Variants in CHMP1A observed in about 807,000 individuals in gnomAD.
The protein encoded by CHMP1A is VPS46 homolog A.
A neutral mutation model predicts 27.0 loss-of-function variants in CHMP1A; 17 were observed. That is an observed-to-expected ratio of 0.63 (90% CI 0.43 to 0.95). The LOEUF is 0.95. Ranked by LOEUF, CHMP1A falls within the 40% of genes least tolerant of loss-of-function variation. The pLI is 0.00. For missense variants in CHMP1A, 275 were observed against 264.0 expected, an observed-to-expected ratio of 1.04 and a Z score of -0.29; for synonymous variants, 131 against 107.5, an observed-to-expected ratio of 1.22 and a Z score of -1.35.
Position 89,646,105 on chromosome 16 carries a change from G to A in CHMP1A, c.570-18C>T, listed in dbSNP as rs2059771429. The A allele has an allele frequency of 6.5e-7, 1 of 1,537,374 alleles. No homozygotes were observed. Among genetic ancestry groups the A allele is most frequent in the Non-Finnish European group, 8.8e-7 (1 of 1,142,610 alleles). On this transcript the variant is annotated intron_variant, in intron 6 of 6. Coordinates refer to ENST00000397901, the MANE Select transcript of CHMP1A (RefSeq NM_002768.5). ...CGGCCAACCTGGAAACCAACAACAG[G>A]ACTCGGGTCAGGGCAGGGGAAGGGG...
chr16:89,648,623 G>A (rs535844197), intron 4 of CHMP1A, among the ~76,000 whole-genome samples: 1 of 152,316 alleles, frequency 6.6e-6, no homozygotes, highest in South Asian at 2.1e-4. Context: ...ACAGTGAGTG[G>A]TTCACGCCTA....
chr16:89,650,623 C>G (rs776610342), intron 3 of CHMP1A, among the ~76,000 whole-genome samples: 1 of 151,946 alleles, frequency 6.6e-6, no homozygotes, highest in Non-Finnish European at 1.5e-5. Context: ...CTGGCCAACA[C>G]GGCGAAACCC....
chr16:89,654,509 A>G (rs1485377053), intron 1 of CHMP1A, among the ~76,000 whole-genome samples: 3 of 152,146 alleles, frequency 2.0e-5, no homozygotes, highest in Admixed American at 6.5e-5. Context: ...CTTAGACATC[A>G]AAGAGCTGAT....
Position 89,647,286 on chromosome 16 carries a change from G to C in CHMP1A, c.298C>G (p.Leu100Val). Residue 100 changes from leucine to valine, a missense_variant, in exon 5 of 7, where the codon CTG (leucine) becomes GTG (valine). Transcript: ENST00000397901. ...ACCTTCTGCAGGTCCATGGTGCTCAGGGCCTTGTCCAGGGCTTTGGTCACC... is the reference window on the plus strand; with the variant it reads ...ACCTTCTGCAGGTCCATGGTGCTCACGGCCTTGTCCAGGGCTTTGGTCACC... ...AQVTKALDKALSTMDLQKVSS... is the reference protein window; with the variant it reads ...AQVTKALDKAVSTMDLQKVSS... 6.2e-7 allele frequency: 1 copy of C among 1,612,250 alleles called. No individual in the cohort carries two copies. Among genetic ancestry groups the C allele is most frequent in the East Asian group, 2.2e-5 (1 of 44,832 alleles).
At chr16:89,654,071 C>A (rs1320239193) in intron 1 of CHMP1A, 148 bp from the exon 2 acceptor site, 2 of 842,942 alleles carry the variant, frequency 2.4e-6, no homozygotes, top group African/African-American at 1.7e-5. Context: ...GGGAGCCCCC[C>A]CCAACAGGGG....
At chr16:89,655,810 G>A (rs1031849195) in intron 1 of CHMP1A, among the ~76,000 whole-genome samples, 1 of 152,250 alleles carries the variant, frequency 6.6e-6, no homozygotes, top group South Asian at 2.1e-4. Context: ...ATTTTTAGAA[G>A]AGACGGGGTT....
chr16:89,654,574 C>T (rs1303901027), intron 1 of CHMP1A, among the ~76,000 whole-genome samples: 1 of 152,126 alleles, frequency 6.6e-6, no homozygotes, highest in Admixed American at 6.6e-5. Context: ...GAGGCTGAGG[C>T]GGGCAGATCA....
In CHMP1A at chr16:89,651,610, C is replaced by T; in HGVS notation, c.64G>A (p.Ala22Thr). The change falls in exon 3 of 7, where the codon GCG becomes ACG. Residue 22 changes from alanine (A) to threonine (T), a missense_variant. Coordinates refer to ENST00000397901, the MANE Select transcript of CHMP1A (RefSeq NM_002768.5). Reference protein sequence around the residue: ...AKQLEKLAKKAEKDSKAEQAK... With the variant: ...AKQLEKLAKKTEKDSKAEQAK... Reference sequence around the variant, plus strand: ...TGCTCCGCCTTGGAGTCCTTCTCCGCCTTCTTGGCCAGCTTCTCCAGCTGC... The same window carrying T: ...TGCTCCGCCTTGGAGTCCTTCTCCGTCTTCTTGGCCAGCTTCTCCAGCTGC... The T allele has an allele frequency of 6.2e-7, 1 of 1,613,746 alleles. No individual in the cohort carries two copies. The highest frequency in any genetic ancestry group is 8.5e-7 in the Non-Finnish European group (1 of 1,179,834).
At position 89,650,421 on chromosome 16, in the gene CHMP1A, GC is replaced by G. The variant is rs573060419; in HGVS notation, c.106-925del. On this transcript the variant is annotated intron_variant, in intron 3 of 6. Transcript: ENST00000397901. ...GGAGAGGCACCCCTGTAAGCCTCCA[GC>G]CCCATCCCACCCCATGGGGCAGGGG... 6.6e-5 allele frequency among the ~76,000 whole-genome samples: 10 copies of G among 152,274 alleles called. No individual in the cohort carries two copies. In the South Asian group the frequency reaches 2.1e-3, roughly 32 times the overall value.
chr16:89,657,685 C>A lies in CHMP1A; in HGVS notation c.-97G>T, dbSNP rs1028111341. ...GGCGATCGAACCGACCAAGCTGCAC[C>A]CGGCGGGGACTTCCGGGGTCGCCGC... On this transcript the variant is annotated 5_prime_UTR_variant, in exon 1 of 7. Transcript: ENST00000397901. 3.9e-5 allele frequency: 62 copies of A among 1,580,660 alleles called. No homozygotes were observed. Among genetic ancestry groups the A allele is most frequent in the Middle Eastern group, 3.4e-4 (2 of 5,970 alleles).
chr16:89,650,129 C>A (rs1034962136), intron 3 of CHMP1A, among the ~76,000 whole-genome samples: 1 of 152,202 alleles, frequency 6.6e-6, no homozygotes, highest in African/African-American at 2.4e-5. Flanking sequence ...CTGGGACCTA[C>A]TTCACCGATT....
chr16:89,646,228 GTCCCACTC>G, intron 6 of CHMP1A, 141 bp from the exon 7 acceptor site: 1 of 787,888 alleles, frequency 1.3e-6, no homozygotes, highest in East Asian at 2.7e-5. Context: ...GACATGCCCT[GTCCCACTC>G]TTACCTGATC....
At chr16:89,654,031 C>G in intron 1 of CHMP1A, 108 bp from the exon 2 acceptor site, 1 of 1,153,712 alleles carries the variant, frequency 8.7e-7, no homozygotes, top group South Asian at 1.2e-5. Context: ...CTAGAACACA[C>G]ACACAGACCA....
Position 89,651,605 on chromosome 16 carries a change from C to T in CHMP1A, c.69G>A (p.Glu23=). 1 of 1,613,778 alleles carries T rather than the reference C, an allele frequency of 6.2e-7. No individual in the cohort carries two copies. Among genetic ancestry groups the T allele is most frequent in the Non-Finnish European group, 8.5e-7 (1 of 1,179,842 alleles). ...KQLEKLAKKA[E]KDSKAEQAKV... Reference sequence around the variant, plus strand: ...TGGCCTGCTCCGCCTTGGAGTCCTTCTCCGCCTTCTTGGCCAGCTTCTCCA... The same window carrying T: ...TGGCCTGCTCCGCCTTGGAGTCCTTTTCCGCCTTCTTGGCCAGCTTCTCCA... Residue 23 remains glutamate (E), a synonymous_variant, in exon 3 of 7, where the codon GAG becomes GAA. Coordinates refer to ENST00000397901, the MANE Select transcript of CHMP1A (RefSeq NM_002768.5).
chr16:89,651,771 G>A, intron 2 of CHMP1A, 125 bp from the exon 3 acceptor site: 1 of 908,510 alleles, frequency 1.1e-6, no homozygotes, highest in African/African-American at 1.7e-5. Context: ...CCATCAGCCA[G>A]CCTGGGCCCA....
Position 89,649,720 on chromosome 16 carries a change from C to T in CHMP1A, c.106-223G>A, listed in dbSNP as rs994520555. On this transcript the variant is annotated intron_variant, in intron 3 of 6. Coordinates refer to ENST00000397901, the MANE Select transcript of CHMP1A (RefSeq NM_002768.5). Reference sequence around the variant, plus strand: ...CCTCCCGAGTAGTTGGGACTACAGGCGCCCGCCACCATGCCTGGCTAATTT... The same window carrying T: ...CCTCCCGAGTAGTTGGGACTACAGGTGCCCGCCACCATGCCTGGCTAATTT... The T allele has an allele frequency of 4.7e-5, 24 of 508,224 alleles. No individual in the cohort carries two copies. In the Admixed American group the frequency reaches 7.3e-4, roughly 15 times the overall value. The allele number at this position is 508,224 out of a possible 1,614,324, so 31.5% of individuals were successfully genotyped here.
intron 2 of CHMP1A, among the ~76,000 whole-genome samples, chr16:89,652,176 G>A (rs953894473): frequency 9.8e-5 from 15 of 152,328 alleles, no homozygotes; most frequent in Admixed American, 2.6e-4. Context: ...AGCACCACAC[G>A]GAAACAGGGC....
intron 3 of CHMP1A, among the ~76,000 whole-genome samples, chr16:89,650,828 G>C (rs945374427): frequency 2.0e-5 from 3 of 151,756 alleles, no homozygotes; most frequent in Admixed American, 6.6e-5. Context: ...TAGGATCGTG[G>C]CAGACAGCTA....
intron 3 of CHMP1A, among the ~76,000 whole-genome samples, chr16:89,650,839 G>A (rs2059818455): frequency 6.6e-6 from 1 of 151,600 alleles, no homozygotes; most frequent in African/African-American, 2.4e-5. Flanking sequence ...CAGACAGCTA[G>A]CTAGCAGCCC....
Sources: allele counts gnomAD v4.1 joint callset (sites outside exome capture counted in the v4.1 genomes callset), GRCh38; gene constraint gnomAD v4.1.1; transcripts MANE v1.5; gene names NCBI Gene and HGNC (gene_info 2026-07-23, HGNC 2026-07-21).